Variants in CDH11 observed in about 807,000 individuals in gnomAD.
CDH11 encodes cadherin-11.
CDH11 carries 11 observed loss-of-function variants against 67.8 expected under a neutral mutation model. The observed-to-expected ratio is 0.16, with a 90% CI of 0.10 to 0.27. CDH11 has a LOEUF of 0.27. Among genes scored for constraint, CDH11 ranks in the 10% least tolerant of loss-of-function variants. The pLI, the probability that CDH11 is intolerant of heterozygous loss-of-function variation, is 1.00. For synonymous variants in CDH11, 419 were observed against 400.0 expected (o/e 1.05, Z -0.57); for missense variants, 847 against 1,031.2 (o/e 0.82, Z 2.45).
intron 2 of CDH11, among the ~76,000 whole-genome samples, chr16:65,033,011 T>C (rs1489709301): frequency 6.6e-6 from 1 of 152,206 alleles, no homozygotes; most frequent in African/African-American, 2.4e-5. Context: ...AAATTTTTCC[T>C]TTCTCTCTTT....
intron 1 of CDH11, among the ~76,000 whole-genome samples, chr16:65,092,877 G>A (rs1362240775): frequency 6.6e-6 from 1 of 150,696 alleles, no homozygotes; most frequent in African/African-American, 2.4e-5. Context: ...ATGTAGTGAT[G>A]TGATGTACTT....
Position 64,973,045 on chromosome 16 carries a change from G to C in CDH11, c.1254-5C>G. 1 of 1,612,804 alleles carries C rather than the reference G, an allele frequency of 6.2e-7. No homozygotes were observed. Among genetic ancestry groups the C allele is most frequent in the Non-Finnish European group, 8.5e-7 (1 of 1,179,414 alleles). ...GTGTGACGATCGATGGAATACCTAA[G>C]CAGAATGCAAATGAGGCAATTAGAC... On this transcript the variant is annotated splice_region_variant and splice_polypyrimidine_tract_variant and intron_variant, in intron 8 of 12. Coordinates refer to ENST00000268603, the MANE Select transcript of CDH11 (RefSeq NM_001797.4).
At chr16:65,097,384 C>T (rs150447404) in intron 1 of CDH11, among the ~76,000 whole-genome samples, 1 of 152,190 alleles carries the variant, frequency 6.6e-6, no homozygotes, top group Non-Finnish European at 1.5e-5. Flanking sequence ...CATGACTGTT[C>T]AATAATGAAA....
chr16:65,111,719 G>A (rs1567586103), intron 1 of CDH11, among the ~76,000 whole-genome samples: 1 of 122,880 alleles, frequency 8.1e-6, no homozygotes, highest in Non-Finnish European at 1.7e-5. Context: ...ACACAAATGG[G>A]GAGTTCAATC....
At chr16:65,027,813 T>C (rs1465195382) in intron 2 of CDH11, among the ~76,000 whole-genome samples, 1 of 152,178 alleles carries the variant, frequency 6.6e-6, no homozygotes, top group Non-Finnish European at 1.5e-5. Flanking sequence ...ATCTCTTCCA[T>C]GCCTAGAGAT....
At chr16:65,000,535 G>A (rs1361069958) in intron 3 of CDH11, among the ~76,000 whole-genome samples, 4 of 152,182 alleles carry the variant, frequency 2.6e-5, no homozygotes, top group Admixed American at 2.6e-4. Flanking sequence ...ATTGGCTCAT[G>A]CCTGTAATCT....
chr16:65,004,627 G>A lies in CDH11; in HGVS notation c.228+15C>T. ...GTGGGTTGGAAAGCTCAGGATTGAGGGAAGGCAGCCTTACCCTGCCCACAA... is the reference window on the plus strand; with the variant it reads ...GTGGGTTGGAAAGCTCAGGATTGAGAGAAGGCAGCCTTACCCTGCCCACAA... On this transcript the variant is annotated intron_variant, in intron 3 of 12. Coordinates refer to ENST00000268603, the MANE Select transcript of CDH11 (RefSeq NM_001797.4). The A allele has an allele frequency of 1.9e-6, 3 of 1,607,006 alleles. No homozygotes were observed. Among genetic ancestry groups the A allele is most frequent in the Middle Eastern group, 2.0e-4 (1 of 4,884 alleles).
chr16:64,960,886 G>T (rs1356223983), intron 11 of CDH11, among the ~76,000 whole-genome samples: 1 of 152,058 alleles, frequency 6.6e-6, no homozygotes, highest in Admixed American at 6.6e-5. Flanking sequence ...TGAGTGAAGT[G>T]GGGGCAAGGA....
At chr16:65,025,433 C>T (rs1456867370) in intron 2 of CDH11, among the ~76,000 whole-genome samples, 1 of 152,158 alleles carries the variant, frequency 6.6e-6, no homozygotes, top group African/African-American at 2.4e-5. Context: ...TGCTCCGCCT[C>T]CCGGGTTCAA....
At chr16:65,065,097 C>A (rs1442809653) in intron 1 of CDH11, among the ~76,000 whole-genome samples, 1 of 152,148 alleles carries the variant, frequency 6.6e-6, no homozygotes, top group Non-Finnish European at 1.5e-5. Context: ...TCACAGTTCT[C>A]TTCCAAGGAC....
At chr16:65,101,811 A>T (rs867643030) in intron 1 of CDH11, among the ~76,000 whole-genome samples, 1 of 152,238 alleles carries the variant, frequency 6.6e-6, no homozygotes, top group Non-Finnish European at 1.5e-5. Context: ...GATCCATAAG[A>T]ATAGATACTG....
intron 12 of CDH11, 95 bp from the exon 13 acceptor site, chr16:64,948,194 A>G: frequency 6.8e-7 from 1 of 1,464,756 alleles, no homozygotes; most frequent in Non-Finnish European, 9.2e-7. Context: ...ACCATGAGGT[A>G]TAAATGCTCA....
intron 2 of CDH11, among the ~76,000 whole-genome samples, chr16:65,041,820 G>A (rs117372527): frequency 0.013 from 1,934 of 152,310 alleles, 12 homozygotes; most frequent in Non-Finnish European, 0.019. Flanking sequence ...CAGGCAAGCC[G>A]GAGCAGGCCC....
At position 65,053,799 on chromosome 16, in the gene CDH11, C is replaced by A; in HGVS notation, c.-173+5G>T. The A allele has an allele frequency of 2.2e-6, 1 of 456,016 alleles. No homozygotes were observed. Among genetic ancestry groups the A allele is most frequent in the Non-Finnish European group, 4.4e-6 (1 of 226,770 alleles). The allele number at this position is 456,016 out of a possible 1,614,324, so 28.2% of individuals were successfully genotyped here. On this transcript the variant is annotated splice_donor_5th_base_variant and intron_variant, in intron 2 of 12. Coordinates refer to ENST00000268603, the MANE Select transcript of CDH11 (RefSeq NM_001797.4). ...GAATTGTTCAGTAATATTAGTCCAA[C>A]TTACCTTCTTCACCCATTGGATACT...
At chr16:65,063,229 C>T (rs565703426) in intron 1 of CDH11, among the ~76,000 whole-genome samples, 1 of 152,292 alleles carries the variant, frequency 6.6e-6, no homozygotes, top group East Asian at 1.9e-4. Context: ...CACACACACA[C>T]ACAAACACAA....
intron 2 of CDH11, among the ~76,000 whole-genome samples, chr16:65,047,716 A>G (rs1374755634): frequency 6.6e-6 from 1 of 152,188 alleles, no homozygotes; most frequent in East Asian, 1.9e-4. Context: ...GTATCTATCT[A>G]AGGATACATA....
At chr16:64,959,544 T>C (rs903092306) in intron 11 of CDH11, among the ~76,000 whole-genome samples, 2 of 152,156 alleles carry the variant, frequency 1.3e-5, no homozygotes, top group Non-Finnish European at 2.9e-5. Context: ...TATTTATTTT[T>C]TTGTTGTTGT....
chr16:65,063,040 G>C (rs530268346), intron 1 of CDH11, among the ~76,000 whole-genome samples: 10 of 152,288 alleles, frequency 6.6e-5, no homozygotes, highest in African/African-American at 1.9e-4. Context: ...GCGTTTGCTG[G>C]ACTTTATTGG....
intron 11 of CDH11, among the ~76,000 whole-genome samples, chr16:64,963,138 T>C (rs926560172): frequency 6.6e-6 from 1 of 152,210 alleles, no homozygotes; most frequent in African/African-American, 2.4e-5. Context: ...ATGACAGAGA[T>C]GTTGGAATTA....
Sources: allele counts gnomAD v4.1 joint callset (sites outside exome capture counted in the v4.1 genomes callset), GRCh38; gene constraint gnomAD v4.1.1; transcripts MANE v1.5; gene names NCBI Gene and HGNC (gene_info 2026-07-23, HGNC 2026-07-21).